The following LEPR variants were observed in gnomAD, a reference collection of about 807,000 sequenced individuals.
The protein encoded by LEPR is leptin receptor.
LEPR carries 56 observed loss-of-function variants against 114.7 expected under a neutral mutation model. The ratio of observed to expected loss-of-function variants is 0.49; its 90% CI spans 0.39 to 0.61. The LOEUF (loss-of-function observed/expected upper bound fraction) is 0.61, where lower values mean the gene tolerates loss of function less well. LEPR is among the 20% of genes least tolerant of loss of function. The pLI is 0.00. For synonymous variants in LEPR, 443 were observed against 461.4 expected, an observed-to-expected ratio of 0.96 and a Z score of 0.51; for missense variants, 1,202 against 1,352.9, an observed-to-expected ratio of 0.89 and a Z score of 1.75.
intron 2 of LEPR, among the ~76,000 whole-genome samples, chr1:65,490,618 T>C (rs976666120): frequency 6.6e-6 from 1 of 152,138 alleles, no homozygotes; most frequent in Non-Finnish European, 1.5e-5. Context: ...GAAAGAGATA[T>C]TAGAAATGAC....
At chr1:65,540,401 G>T (rs1326526465) in intron 2 of LEPR, among the ~76,000 whole-genome samples, 1 of 152,140 alleles carries the variant, frequency 6.6e-6, no homozygotes, top group African/African-American at 2.4e-5. Context: ...CTCACGAATG[G>T]CTTGGTGCCC....
chr1:65,488,159 C>CCTTTCTTTCTTTCTTTCTTTCTTT (rs71058410), intron 2 of LEPR, among the ~76,000 whole-genome samples: 1 of 65,442 alleles, frequency 1.5e-5, no homozygotes, highest in Admixed American at 1.6e-4. Context: ...TTCCTTCCTT[C>CCTTTCTTTCTTTCTTTCTTTCTTT]CTTTCTTTCT....
intron 2 of LEPR, among the ~76,000 whole-genome samples, chr1:65,453,085 C>T (rs1646811125): frequency 6.6e-6 from 1 of 152,148 alleles, no homozygotes; most frequent in Non-Finnish European, 1.5e-5. Flanking sequence ...TTGTAGTATT[C>T]TCTGATGGTA....
At chr1:65,579,353 A>C (rs1654821703) in intron 5 of LEPR, among the ~76,000 whole-genome samples, 1 of 152,230 alleles carries the variant, frequency 6.6e-6, no homozygotes, top group Non-Finnish European at 1.5e-5. Flanking sequence ...GTGACCCAGC[A>C]GGGAGAGAAA....
rs72681314 is a variant in LEPR, at chr1:65,427,227, C to T, written c.-21+1849C>T. The stretch of plus-strand genomic sequence containing the variant: ...ATACGGTATTATTATCCTCATTTCT[C>T]GCTGGGAAACCAAAGCCCAGGGTAG... On this transcript the variant is annotated intron_variant, in intron 2 of 19. Coordinates refer to ENST00000349533, the MANE Select transcript of LEPR (RefSeq NM_002303.6). Among the ~76,000 whole-genome samples, 667 of 152,210 alleles carry T rather than the reference C, an allele frequency of 4.4e-3. 2 individuals are homozygous for T. Among genetic ancestry groups the T allele is most frequent in the Non-Finnish European group, 7.3e-3 (498 of 68,004 alleles).
In LEPR at chr1:65,633,786, G is replaced by C; in HGVS notation, c.2674-2405G>C. On this transcript the variant is annotated intron_variant, in intron 19 of 19. Transcript: ENST00000349533. The surrounding 1 kb of genome is among the most constrained non-coding windows in gnomAD (Gnocchi z 4.1). ...GGGAATTTCAGTTTTCAATATCCTTGAAAATGGCTTAAGTGATAACTTCCG... is the reference window on the plus strand; with the variant it reads ...GGGAATTTCAGTTTTCAATATCCTTCAAAATGGCTTAAGTGATAACTTCCG... 1 of 985,488 alleles carries C rather than the reference G, an allele frequency of 1.0e-6. No individual in the cohort carries two copies. The allele number at this position is 985,488 out of a possible 1,614,324, so 61.0% of individuals were successfully genotyped here. A position where few individuals can be genotyped will look rare whatever the true frequency, so the allele number is the denominator to read the frequency against.
At position 65,501,322 on chromosome 1, in the gene LEPR, T is replaced by C. The variant is rs72681352; in HGVS notation, c.-20-64224T>C. 1.7e-3 allele frequency among the ~76,000 whole-genome samples: 245 copies of C among 148,224 alleles called. 2 individuals carry two copies. The highest frequency in any genetic ancestry group is 3.4e-3 in the Middle Eastern group (1 of 290). On this transcript the variant is annotated intron_variant, in intron 2 of 19. Coordinates refer to ENST00000349533, the MANE Select transcript of LEPR (RefSeq NM_002303.6). ...AGGGGAGAATATCCCTTGCCTCTTT[T>C]AGCTTTTGGTAGCCTCAGGCATTCC...
intron 2 of LEPR, among the ~76,000 whole-genome samples, chr1:65,551,610 A>G (rs1203896899): frequency 1.3e-5 from 2 of 151,584 alleles, no homozygotes; most frequent in Middle Eastern, 3.4e-3. Flanking sequence ...TTTCTTCTTT[A>G]TTAGTCTGGC....
At chr1:65,619,907 T>C in intron 16 of LEPR, 21 bp from the exon 17 acceptor site, 1 of 1,577,914 alleles carries the variant, frequency 6.3e-7, no homozygotes. Flanking sequence ...AAATGAGCCT[T>C]TTACGTATTT....
At position 65,633,342 on chromosome 1, in the gene LEPR, G is replaced by A; in HGVS notation, c.2674-2849G>A. The A allele has an allele frequency of 7.5e-7, 1 of 1,337,808 alleles. No individual in the cohort carries two copies. The allele number at this position is 1,337,808 out of a possible 1,614,324, so 82.9% of individuals were successfully genotyped here. A position where few individuals can be genotyped will look rare whatever the true frequency, so the allele number is the denominator to read the frequency against. ...TGTTGATTTAGAACTTAAAATAGAT[G>A]TGTAAATTTGGGTTCAAAATGTAGA... On this transcript the variant is annotated intron_variant, in intron 19 of 19. Coordinates refer to ENST00000349533, the MANE Select transcript of LEPR (RefSeq NM_002303.6). This position sits in a 1 kb window ranked among gnomAD's most constrained non-coding sequence, Gnocchi z 4.1.
At chr1:65,426,678 T>C in intron 2 of LEPR, among the ~76,000 whole-genome samples, 1 of 152,088 alleles carries the variant, frequency 6.6e-6, no homozygotes, top group East Asian at 1.9e-4. Context: ...GTCTCCCAGG[T>C]GATTGGCTTG....
At chr1:65,557,492 T>C (rs1652897307) in intron 2 of LEPR, among the ~76,000 whole-genome samples, 1 of 152,198 alleles carries the variant, frequency 6.6e-6, no homozygotes. Context: ...TGATCTCAGC[T>C]CACTGCAACC....
intron 15 of LEPR, among the ~76,000 whole-genome samples, chr1:65,617,316 C>A (rs1657587890): frequency 6.6e-6 from 1 of 152,062 alleles, no homozygotes; most frequent in African/African-American, 2.4e-5. Flanking sequence ...TTCAGAGAAG[C>A]CACCTTGAGG....
chr1:65,518,624 A>G (rs992590668), intron 2 of LEPR, among the ~76,000 whole-genome samples: 15 of 152,152 alleles, frequency 9.9e-5, no homozygotes, highest in Admixed American at 7.2e-4. Context: ...TCTTACTATA[A>G]GCAGCGAGAA....
At chr1:65,433,349 A>C (rs1047944827) in intron 2 of LEPR, 1 of 985,422 alleles carries the variant, frequency 1.0e-6, no homozygotes, top group South Asian at 4.7e-5. Flanking sequence ...TGCCACCCTT[A>C]AATGAATCAT....
intron 2 of LEPR, among the ~76,000 whole-genome samples, chr1:65,553,710 A>G (rs1319559367): frequency 1.3e-5 from 2 of 152,032 alleles, no homozygotes; most frequent in Non-Finnish European, 2.9e-5. Context: ...TCTGAAGCCT[A>G]CTTCTGTCAA....
At chr1:65,478,757 A>G (rs1647185245) in intron 2 of LEPR, among the ~76,000 whole-genome samples, 2 of 152,182 alleles carry the variant, frequency 1.3e-5, no homozygotes, top group South Asian at 4.1e-4. Flanking sequence ...GAATGAGATC[A>G]GCGCCAGTGA....
chr1:65,640,537 G>A lies in LEPR; in HGVS notation c.*3522G>A, dbSNP rs1011090668. 2.6e-5 allele frequency: 4 copies of A among 152,142 alleles called. No homozygotes were observed. The highest frequency in any genetic ancestry group is 9.7e-5 in the African/African-American group (4 of 41,436). 9.4% of individuals were successfully genotyped at this position (152,142 alleles called of 1,614,324 possible). Reference sequence around the variant, plus strand: ...TTTAAACATAGTTACCAAGAAATGTGAAGAAGTATTTATAAAAGGAAGCTA... The same window carrying A: ...TTTAAACATAGTTACCAAGAAATGTAAAGAAGTATTTATAAAAGGAAGCTA... On this transcript the variant is annotated 3_prime_UTR_variant, in exon 20 of 20. Coordinates refer to ENST00000349533, the MANE Select transcript of LEPR (RefSeq NM_002303.6).
At chr1:65,573,918 C>T (rs1241985597) in intron 5 of LEPR, among the ~76,000 whole-genome samples, 1 of 152,068 alleles carries the variant, frequency 6.6e-6, no homozygotes, top group African/African-American at 2.4e-5. Flanking sequence ...ATTTTATATA[C>T]ATTTTATTAC....
Sources: allele counts gnomAD v4.1 joint callset (sites outside exome capture counted in the v4.1 genomes callset), GRCh38; gene constraint gnomAD v4.1.1; non-coding constraint Gnocchi (gnomAD v3.1); transcripts MANE v1.5; gene names NCBI Gene and HGNC (gene_info 2026-07-23, HGNC 2026-07-21).